The following LRP4 variants were observed in gnomAD, a reference collection of about 807,000 sequenced individuals.
LRP4 encodes the protein low-density lipoprotein receptor-related protein 4.
LRP4 carries 95 observed loss-of-function variants against 220.3 expected under a neutral mutation model. That is an observed-to-expected ratio of 0.43 (90% CI 0.37 to 0.51). LRP4 has a LOEUF of 0.51. Ranked by LOEUF, LRP4 falls within the 20% of genes least tolerant of loss-of-function variation. LRP4 has a pLI of 0.00. For synonymous variants in LRP4, 903 were observed against 954.6 expected (o/e 0.95, Z 1.00); for missense variants, 1,925 against 2,567.0 (o/e 0.75, Z 5.40).
At position 46,890,570 on chromosome 11, in the gene LRP4, G is replaced by A. The variant is rs1030380755; in HGVS notation, c.1698-76C>T. ...AACCAGGAGAATAATCAGGTAGGGC[G>A]CTTTTATCCATTTAACTCAGGGGAC... On this transcript the variant is annotated intron_variant, in intron 13 of 37. Coordinates refer to ENST00000378623, the MANE Select transcript of LRP4 (RefSeq NM_002334.4). The surrounding 1 kb of genome is among the most constrained non-coding windows in gnomAD (Gnocchi z 5.3). 31 of 1,029,766 alleles carry A rather than the reference G, an allele frequency of 3.0e-5. No individual in the cohort carries two copies. Among genetic ancestry groups the A allele is most frequent in the South Asian group, 6.7e-5 (5 of 75,186 alleles). 63.8% of individuals were successfully genotyped at this position (1,029,766 alleles called of 1,614,324 possible).
rs1270087961 is a variant in LRP4, at chr11:46,886,462, A to T, written c.2287T>A (p.Ser763Thr). ...TCAGCCAGTGGGATGACATCATCAG[A>T]CAGGTCCTCTGTGTCAAAGCTGATT... ...RRISFDTEDL[S>T]DDVIPLADVR... Residue 763 changes from serine (S) to threonine (T), a missense_variant, in exon 17 of 38, where the codon TCT becomes ACT. Physicochemically the swap from Ser to Thr is moderately conservative, Grantham distance 58. Transcript: ENST00000378623. 2 of 1,614,036 alleles carry T rather than the reference A, an allele frequency of 1.2e-6. No homozygotes were observed. Among genetic ancestry groups the T allele is most frequent in the Non-Finnish European group, 1.7e-6 (2 of 1,180,028 alleles).
chr11:46,859,168 T>A lies in LRP4; in HGVS notation c.5533A>T (p.Thr1845Ser). ...CTGGCCTGGATGGACACCGTGTCTG[T>A]CTTCATGCATACATGATCCCGGAGG... Reference protein sequence around the residue: ...GLLRDHVCMKTDTVSIQASSG... With the variant: ...GLLRDHVCMKSDTVSIQASSG... The change falls in exon 38 of 38, where the codon ACA becomes TCA. Residue 1845 changes from threonine to serine, a missense_variant. By Grantham distance (58) the Thr-to-Ser change is moderately conservative. Around this residue, in one of 3 missense-constraint regions of LRP4, gnomAD observed 1,244 missense variants for 1,624.9 expected, o/e 0.77. Transcript: ENST00000378623. 1.2e-6 allele frequency: 2 copies of A among 1,614,164 alleles called. No individual in the cohort carries two copies. The highest frequency in any genetic ancestry group is 1.7e-6 in the Non-Finnish European group (2 of 1,180,032).
intron 13 of LRP4, 98 bp downstream of exon 13, chr11:46,892,873 CCA>C: frequency 6.8e-7 from 1 of 1,469,188 alleles, no homozygotes; most frequent in Non-Finnish European, 9.3e-7. Flanking sequence ...CCCAGCTACA[CCA>C]CACTTTGAGG....
chr11:46,917,001 A>C (rs922354643), intron 1 of LRP4, among the ~76,000 whole-genome samples: 1 of 152,230 alleles, frequency 6.6e-6, no homozygotes, highest in East Asian at 1.9e-4. Context: ...CGCTCTTCGG[A>C]GAGAAAGAGC....
intron 20 of LRP4, among the ~76,000 whole-genome samples, chr11:46,879,903 G>A (rs952647773): frequency 4.3e-4 from 66 of 152,232 alleles, no homozygotes; most frequent in Non-Finnish European, 3.5e-4. Flanking sequence ...TCAGGAGTTC[G>A]AGACTAGCCT....
rs938757540 is a variant in LRP4 at position 46,890,592 on chromosome 11, G to A, written c.1698-98C>T. On this transcript the variant is annotated intron_variant, in intron 13 of 37. Coordinates refer to ENST00000378623, the MANE Select transcript of LRP4 (RefSeq NM_002334.4). This position sits in a 1 kb window ranked among gnomAD's most constrained non-coding sequence, Gnocchi z 5.3. ...GGCGCTTTTATCCATTTAACTCAGG[G>A]GACTCCAATGTTTGGTCCACAGAAT... 5.8e-5 allele frequency: 47 copies of A among 809,548 alleles called. 1 individual carries two copies. Among genetic ancestry groups the A allele is most frequent in the Non-Finnish European group, 7.6e-5 (37 of 484,878 alleles). 50.1% of individuals were successfully genotyped at this position (809,548 alleles called of 1,614,324 possible).
intron 34 of LRP4, among the ~76,000 whole-genome samples, chr11:46,866,348 A>G (rs948612536): frequency 2.0e-5 from 3 of 151,668 alleles, no homozygotes; most frequent in Admixed American, 2.0e-4. Context: ...CAGTGGCACA[A>G]TCACAGCTCA....
chr11:46,899,982 G>A lies in LRP4; in HGVS notation c.317-6C>T. 1 of 1,606,088 alleles carries A rather than the reference G, an allele frequency of 6.2e-7. No homozygotes were observed. The highest frequency in any genetic ancestry group is 8.5e-7 in the Non-Finnish European group (1 of 1,173,310). On this transcript the variant is annotated splice_polypyrimidine_tract_variant and splice_region_variant and intron_variant, in intron 3 of 37. Coordinates refer to ENST00000378623, the MANE Select transcript of LRP4 (RefSeq NM_002334.4). The surrounding 1 kb of genome is among the most constrained non-coding windows in gnomAD (Gnocchi z 5.9). ...CTCCTCACACTCCCGGGGGGCTGTG[G>A]GCACAGAGCAGTCAGGCTGCTGCAG... is the stretch of plus-strand genomic sequence containing the variant.
rs1383964188 is a variant in LRP4, at chr11:46,897,620, C to G, written c.797-626G>C. 1.5e-4 allele frequency among the ~76,000 whole-genome samples: 23 copies of G among 150,524 alleles called. No homozygotes were observed. The East Asian group carries it at 4.1e-3, about 27-fold the overall frequency. On this transcript the variant is annotated intron_variant, in intron 7 of 37. Transcript: ENST00000378623. ...CAAGCATCTGTTTAACAAAGCACAT[C>G]TTGCACCGCCCTTAATCCATTTAAC...
At chr11:46,863,584 C>CAAAAAAAAAAA (rs55744712) in intron 36 of LRP4, among the ~76,000 whole-genome samples, 47 of 54,022 alleles carry the variant, frequency 8.7e-4, no homozygotes, top group African/African-American at 2.2e-3. Context: ...ACTAAAAATA[C>CAAAAAAAAAAA]AAAAAAAAAA....
chr11:46,862,578 A>C, intron 37 of LRP4, 28 bp downstream of exon 37: 1 of 1,613,630 alleles, frequency 6.2e-7, no homozygotes. Flanking sequence ...CGCCAAAAAG[A>C]CCCTTGAATA....
chr11:46,912,684 G>A (rs553110938), intron 1 of LRP4, among the ~76,000 whole-genome samples: 7 of 152,298 alleles, frequency 4.6e-5, no homozygotes, highest in Non-Finnish European at 7.3e-5. Flanking sequence ...TGGAGCTGCC[G>A]AGCTTGGAGA....
chr11:46,862,768 A>C, intron 36 of LRP4, 21 bp from the exon 37 acceptor site: 1 of 1,612,926 alleles, frequency 6.2e-7, no homozygotes, highest in East Asian at 2.2e-5. Flanking sequence ...GAAGGTGATG[A>C]GAAATTAGTC....
intron 12 of LRP4, 55 bp from the exon 13 acceptor site, chr11:46,893,184 C>CCATAGTA: frequency 6.2e-7 from 1 of 1,607,256 alleles, no homozygotes; most frequent in Admixed American, 1.7e-5. Flanking sequence ...CCCCCATGTC[C>CCATAGTA]CATAGTAATA....
At chr11:46,900,898 T>C (rs1378163413) in intron 2 of LRP4, among the ~76,000 whole-genome samples, 1 of 151,892 alleles carries the variant, frequency 6.6e-6, no homozygotes, top group Non-Finnish European at 1.5e-5. Flanking sequence ...GGAATTCTCA[T>C]GCCTCAGCCT....
intron 12 of LRP4, among the ~76,000 whole-genome samples, chr11:46,894,296 C>G (rs1377556182): frequency 6.6e-6 from 1 of 152,160 alleles, no homozygotes; most frequent in African/African-American, 2.4e-5. Context: ...AAACTAGATG[C>G]AAAGGCTGAT....
intron 1 of LRP4, among the ~76,000 whole-genome samples, chr11:46,910,679 C>CTTTTTTTTTT (rs1208053690): frequency 1.4e-4 from 1 of 6,992 alleles, no homozygotes; most frequent in Admixed American, 2.1e-3. Context: ...ATCCTTGCCC[C>CTTTTTTTTTT]CTTTTTTTTT....
chr11:46,868,041 T>C lies in LRP4; in HGVS notation c.5025A>G (p.Pro1675=). 7 of 1,614,026 alleles carry C rather than the reference T, an allele frequency of 4.3e-6. No homozygotes were observed. The highest frequency in any genetic ancestry group is 5.9e-6 in the Non-Finnish European group (7 of 1,180,014). ...SEKSPVLPNT[P]PTTLYSSTTR... ...TGGTTGAAGAATACAAGGTGGTAGGTGGTGTGTTGGGTAGCACTGGGCTCT... is the reference window on the plus strand; with the variant it reads ...TGGTTGAAGAATACAAGGTGGTAGGCGGTGTGTTGGGTAGCACTGGGCTCT... The change falls in exon 34 of 38, where the codon CCA becomes CCG. Residue 1675 remains proline (P), a synonymous_variant. Transcript: ENST00000378623.
chr11:46,873,787 G>A lies in LRP4; in HGVS notation c.4230-194C>T, dbSNP rs577808675. 2.0e-4 allele frequency: 116 copies of A among 573,648 alleles called. No individual in the cohort carries two copies. Among genetic ancestry groups the A allele is most frequent in the African/African-American group, 2.0e-3 (108 of 53,802 alleles). 35.5% of individuals were successfully genotyped at this position (573,648 alleles called of 1,614,324 possible). A position where few individuals can be genotyped will look rare whatever the true frequency, so the allele number is the denominator to read the frequency against. On this transcript the variant is annotated intron_variant, in intron 28 of 37. Transcript: ENST00000378623. The surrounding 1 kb of genome is among the most constrained non-coding windows in gnomAD (Gnocchi z 4.2). ...AAATAATTGCAGAATGAAGGAACCA[G>A]TTCTTAGGAGGACACAGTATTTCCT...
Sources: allele counts gnomAD v4.1 joint callset (sites outside exome capture counted in the v4.1 genomes callset), GRCh38; gene constraint gnomAD v4.1.1; regional missense constraint gnomAD v4.1.1; non-coding constraint Gnocchi (gnomAD v3.1); transcripts MANE v1.5; gene names NCBI Gene and HGNC (gene_info 2026-07-23, HGNC 2026-07-21).